The following SPOCK1 variants were observed in gnomAD, a reference collection of about 807,000 sequenced individuals.
SPOCK1 encodes the protein testican-1.
Under a neutral mutation model 55.3 loss-of-function variants are expected in SPOCK1, and 23 were observed. The ratio of observed to expected loss-of-function variants is 0.42; its 90% CI spans 0.30 to 0.59. The LOEUF is 0.59. SPOCK1 is among the 20% of genes least tolerant of loss of function. SPOCK1 has a pLI of 0.22. For missense variants in SPOCK1, 499 were observed against 552.5 expected (o/e 0.90, Z 0.97); for synonymous variants, 226 against 221.0 (o/e 1.02, Z -0.20).
chr5:137,447,809 C>A (rs1409823689), intron 2 of SPOCK1, among the ~76,000 whole-genome samples: 1 of 152,186 alleles, frequency 6.6e-6, no homozygotes, highest in African/African-American at 2.4e-5. Flanking sequence ...TAATCCACCT[C>A]TATAAAGCCA....
intron 2 of SPOCK1, among the ~76,000 whole-genome samples, chr5:137,390,975 G>A (rs1035242224): frequency 2.6e-5 from 4 of 152,092 alleles, no homozygotes; most frequent in African/African-American, 9.7e-5. Context: ...GTGCCAAGGT[G>A]GTTTGCTGCA....
At chr5:137,273,984 CTCT>C (rs1318591525) in intron 2 of SPOCK1, among the ~76,000 whole-genome samples, 1 of 152,206 alleles carries the variant, frequency 6.6e-6, no homozygotes, top group South Asian at 2.1e-4. Context: ...AAAGAGCTCC[CTCT>C]TCTTAGGGAC....
At chr5:137,248,981 G>C (rs1756454565) in intron 3 of SPOCK1, among the ~76,000 whole-genome samples, 1 of 152,178 alleles carries the variant, frequency 6.6e-6, no homozygotes, top group African/African-American at 2.4e-5. Flanking sequence ...ATCATGATGA[G>C]ATCTGGAGCC....
At chr5:137,191,947 C>T (rs538642846) in intron 3 of SPOCK1, among the ~76,000 whole-genome samples, 2 of 152,124 alleles carry the variant, frequency 1.3e-5, no homozygotes, top group South Asian at 2.1e-4. Flanking sequence ...AGCGGCCAGG[C>T]GCAGTGGCCG....
At chr5:137,350,002 T>A (rs1750644943) in intron 2 of SPOCK1, among the ~76,000 whole-genome samples, 1 of 152,094 alleles carries the variant, frequency 6.6e-6, no homozygotes, top group Non-Finnish European at 1.5e-5. Flanking sequence ...ATTCTCAGCA[T>A]GTTGAGAGTG....
At chr5:137,345,982 C>G (rs1281779651) in intron 2 of SPOCK1, among the ~76,000 whole-genome samples, 1 of 152,230 alleles carries the variant, frequency 6.6e-6, no homozygotes, top group Non-Finnish European at 1.5e-5. Context: ...TCACTGCCAT[C>G]TTATCAGACA....
At chr5:137,366,564 TAGG>T (rs1249765903) in intron 2 of SPOCK1, among the ~76,000 whole-genome samples, 1 of 152,148 alleles carries the variant, frequency 6.6e-6, no homozygotes, top group African/African-American at 2.4e-5. Context: ...CAAACTTGCC[TAGG>T]AGGTCAAAGC....
intron 2 of SPOCK1, among the ~76,000 whole-genome samples, chr5:137,293,120 T>G (rs1442810432): frequency 1.5e-5 from 1 of 67,144 alleles, no homozygotes; most frequent in Non-Finnish European, 3.0e-5. Context: ...TTTTTTTTTT[T>G]TGATGCACAT....
intron 3 of SPOCK1, among the ~76,000 whole-genome samples, chr5:137,192,086 A>T (rs896829387): frequency 6.6e-6 from 1 of 151,770 alleles, no homozygotes; most frequent in African/African-American, 2.4e-5. Context: ...ATACAAAAAA[A>T]AATTAGCTGG....
chr5:137,344,682 T>G (rs750968257), intron 2 of SPOCK1, among the ~76,000 whole-genome samples: 8 of 152,220 alleles, frequency 5.3e-5, no homozygotes, highest in Non-Finnish European at 1.0e-4. Context: ...CTACCAAGGT[T>G]GAGAAACCCT....
chr5:136,992,727 G>T, intron 6 of SPOCK1, 127 bp from the exon 7 acceptor site: 1 of 626,402 alleles, frequency 1.6e-6, no homozygotes. Context: ...GTTACCTCAC[G>T]TGGAAAACAC....
chr5:137,213,971 T>C (rs969541706), intron 3 of SPOCK1, among the ~76,000 whole-genome samples: 2 of 152,184 alleles, frequency 1.3e-5, no homozygotes, highest in African/African-American at 4.8e-5. Context: ...GCATTTAATT[T>C]ATACCAACAC....
At chr5:137,386,854 C>G (rs752769126) in intron 2 of SPOCK1, among the ~76,000 whole-genome samples, 4 of 151,684 alleles carry the variant, frequency 2.6e-5, no homozygotes, top group Non-Finnish European at 5.9e-5. Flanking sequence ...AAGACAATGT[C>G]AAGAAAATTA....
At chr5:137,211,049 C>T (rs925043042) in intron 3 of SPOCK1, among the ~76,000 whole-genome samples, 11 of 152,198 alleles carry the variant, frequency 7.2e-5, no homozygotes, top group African/African-American at 2.4e-5. Flanking sequence ...CTCAGCCCTT[C>T]GTATACCTGA....
At chr5:137,140,806 T>G (rs1424458266) in intron 3 of SPOCK1, 112 bp from the exon 4 acceptor site, 3 of 622,464 alleles carry the variant, frequency 4.8e-6, no homozygotes, top group South Asian at 5.9e-5. Flanking sequence ...TTGCCCAGAC[T>G]GGTGTGCGGT....
intron 2 of SPOCK1, among the ~76,000 whole-genome samples, chr5:137,353,245 GT>G (rs992944055): frequency 1.2e-4 from 18 of 152,182 alleles, no homozygotes; most frequent in African/African-American, 4.3e-4. Flanking sequence ...GCTGGGTGCG[GT>G]GATGTACGCC....
chr5:137,097,258 G>A (rs1753168335), intron 5 of SPOCK1, among the ~76,000 whole-genome samples: 1 of 152,078 alleles, frequency 6.6e-6, no homozygotes, highest in Non-Finnish European at 1.5e-5. Flanking sequence ...TATTAGGGAG[G>A]GGGACTTGCC....
chr5:137,081,916 C>A (rs969802962), intron 5 of SPOCK1, among the ~76,000 whole-genome samples: 1 of 152,198 alleles, frequency 6.6e-6, no homozygotes, highest in Non-Finnish European at 1.5e-5. Context: ...TGAAAATGGT[C>A]AAGGGCTGGA....
intron 2 of SPOCK1, among the ~76,000 whole-genome samples, chr5:137,466,124 G>A (rs1018876036): frequency 1.9e-4 from 29 of 152,284 alleles, no homozygotes; most frequent in Admixed American, 1.8e-3. Context: ...ACAATTACTC[G>A]ATTTAATTTC....
Sources: allele counts gnomAD v4.1 joint callset (sites outside exome capture counted in the v4.1 genomes callset), GRCh38; gene constraint gnomAD v4.1.1; transcripts MANE v1.5; gene names NCBI Gene and HGNC (gene_info 2026-07-23, HGNC 2026-07-21).